AKAP19: variants seen among roughly 807,000 people sequenced by gnomAD.
AKAP19 encodes A-kinase anchoring protein 19, also known as small A-kinase anchoring protein.
the AKAP19 span, among the ~76,000 whole-genome samples, chr2:190,088,993 G>A: frequency 6.6e-6 from 1 of 152,152 alleles, no homozygotes; most frequent in African/African-American, 2.4e-5. Context: ...TATTCTCATG[G>A]AAGCCCTGAC....
At chr2:190,200,098 A>G in the AKAP19 span, 9 of 1,614,088 alleles carry the variant, frequency 5.6e-6, no homozygotes, top group East Asian at 2.0e-4. Flanking sequence ...ATGGGCATGC[A>G]ATAACATCAA....
At chr2:189,972,388 TGTA>T in the AKAP19 span, among the ~76,000 whole-genome samples, 1 of 152,224 alleles carries the variant, frequency 6.6e-6, no homozygotes, top group Non-Finnish European at 1.5e-5. Flanking sequence ...GCTGTAGTCT[TGTA>T]GTATAGTTTG....
At chr2:190,018,500 G>T in the AKAP19 span, among the ~76,000 whole-genome samples, 139 of 151,292 alleles carry the variant, frequency 9.2e-4, no homozygotes, top group South Asian at 0.014. Context: ...TTTTTAAATT[G>T]CTTCTATTTC....
the AKAP19 span, among the ~76,000 whole-genome samples, chr2:190,024,340 A>ATC: frequency 5.3e-5 from 8 of 150,252 alleles, no homozygotes; most frequent in Non-Finnish European, 1.2e-4. Flanking sequence ...ATATATATAT[A>ATC]TGTGTGTGTG....
At chr2:189,889,563 T>A in the AKAP19 span, among the ~76,000 whole-genome samples, 1 of 152,122 alleles carries the variant, frequency 6.6e-6, no homozygotes, top group African/African-American at 2.4e-5. Context: ...GGTCCTGGGC[T>A]TTTTTTGGTT....
At chr2:190,100,681 A>G in the AKAP19 span, among the ~76,000 whole-genome samples, 1 of 152,240 alleles carries the variant, frequency 6.6e-6, no homozygotes, top group Non-Finnish European at 1.5e-5. Flanking sequence ...GAAAATAACA[A>G]TTAGAAATTT....
the AKAP19 span, among the ~76,000 whole-genome samples, chr2:190,007,618 A>T: frequency 6.6e-5 from 10 of 152,320 alleles, no homozygotes; most frequent in Non-Finnish European, 1.2e-4. Flanking sequence ...GAATATGTGC[A>T]CTTAAGGAAA....
At chr2:190,174,824 T>C in the AKAP19 span, among the ~76,000 whole-genome samples, 3 of 152,218 alleles carry the variant, frequency 2.0e-5, no homozygotes, top group Non-Finnish European at 4.4e-5. Context: ...TCAAAATAAA[T>C]GCAGGTGAAG....
the AKAP19 span, among the ~76,000 whole-genome samples, chr2:189,899,991 A>G: frequency 1.3e-5 from 2 of 152,168 alleles, no homozygotes; most frequent in African/African-American, 2.4e-5. Flanking sequence ...TTATAATAGT[A>G]TTAAACATCC....
chr2:189,963,758 T>C, the AKAP19 span, among the ~76,000 whole-genome samples: 2,449 of 151,070 alleles, frequency 0.016, 69 homozygotes, highest in African/African-American at 0.056. Context: ...TAGCCTTCTA[T>C]AATATATTTC....
the AKAP19 span, among the ~76,000 whole-genome samples, chr2:190,054,586 T>A: frequency 6.6e-6 from 1 of 152,138 alleles, no homozygotes; most frequent in African/African-American, 2.4e-5. Flanking sequence ...AACCTACTCA[T>A]CTGACAAAGG....
chr2:189,973,465 C>G, the AKAP19 span, among the ~76,000 whole-genome samples: 1 of 152,090 alleles, frequency 6.6e-6, no homozygotes, highest in Non-Finnish European at 1.5e-5. Flanking sequence ...TGTGTCTCTG[C>G]CAGGCTTTGG....
chr2:189,906,605 T>C, the AKAP19 span, among the ~76,000 whole-genome samples: 3 of 152,172 alleles, frequency 2.0e-5, no homozygotes, highest in Non-Finnish European at 2.9e-5. Context: ...CAGTGTGTAT[T>C]CCATTGTATA....
chr2:189,996,715 G>A, the AKAP19 span, among the ~76,000 whole-genome samples: 1 of 152,112 alleles, frequency 6.6e-6, no homozygotes, highest in Non-Finnish European at 1.5e-5. Context: ...TTCTCATTTG[G>A]ATAGACTATT....
chr2:190,119,403 A>C, the AKAP19 span, among the ~76,000 whole-genome samples: 403 of 152,314 alleles, frequency 2.6e-3, 4 homozygotes, highest in African/African-American at 9.1e-3. Flanking sequence ...TAGGCATGTC[A>C]TTCACGTAGC....
chr2:190,193,662 A>T, the AKAP19 span, among the ~76,000 whole-genome samples: 1 of 152,150 alleles, frequency 6.6e-6, no homozygotes, highest in African/African-American at 2.4e-5. Flanking sequence ...TTTGCCTTTT[A>T]AACGTATATA....
At chr2:189,925,842 T>C in the AKAP19 span, among the ~76,000 whole-genome samples, 9 of 152,234 alleles carry the variant, frequency 5.9e-5, 1 homozygote, top group African/African-American at 2.2e-4. Context: ...AAAATATACA[T>C]TATCAAAGCC....
the AKAP19 span, among the ~76,000 whole-genome samples, chr2:190,165,344 G>A: frequency 6.6e-6 from 1 of 152,126 alleles, no homozygotes; most frequent in East Asian, 1.9e-4. Flanking sequence ...GGCTGAGTCA[G>A]GAGGATCACT....
chr2:190,162,440 A>T, the AKAP19 span, among the ~76,000 whole-genome samples: 1 of 152,194 alleles, frequency 6.6e-6, no homozygotes, highest in African/African-American at 2.4e-5. Context: ...GCTTGTAATT[A>T]AAAGTCAATG....
Sources: allele counts gnomAD v4.1 joint callset (sites outside exome capture counted in the v4.1 genomes callset), GRCh38; gene constraint gnomAD v4.1.1; transcripts MANE v1.5; gene names NCBI Gene and HGNC (gene_info 2026-07-23, HGNC 2026-07-21).